Variants in USP47 observed in about 807,000 individuals in gnomAD.
The protein encoded by USP47 is ubiquitin carboxyl-terminal hydrolase 47.
Under a neutral mutation model 165.1 loss-of-function variants are expected in USP47, and 35 were observed. The ratio of observed to expected loss-of-function variants is 0.21; its 90% CI spans 0.16 to 0.28. The LOEUF is 0.28. Ranked by LOEUF, USP47 falls within the 10% of genes least tolerant of loss-of-function variation. USP47 has a pLI of 1.00. For missense variants in USP47, 1,277 were observed against 1,607.4 expected, an observed-to-expected ratio of 0.79 and a Z score of 3.52; for synonymous variants, 531 against 544.5, an observed-to-expected ratio of 0.98 and a Z score of 0.35.
intron 7 of USP47, among the ~76,000 whole-genome samples, chr11:11,904,387 GT>G (rs1258208777): frequency 6.6e-6 from 1 of 152,140 alleles, no homozygotes; most frequent in African/African-American, 2.4e-5. Flanking sequence ...AGAAATGTAA[GT>G]TTATGAAAGA....
intron 20 of USP47, among the ~76,000 whole-genome samples, chr11:11,946,476 T>C (rs1056709360): frequency 2.6e-5 from 4 of 152,238 alleles, no homozygotes; most frequent in Non-Finnish European, 4.4e-5. Context: ...AAAAGACTTT[T>C]ACTACATTTG....
intron 19 of USP47, among the ~76,000 whole-genome samples, chr11:11,941,724 T>G (rs1488155343): frequency 6.6e-6 from 1 of 152,068 alleles, no homozygotes; most frequent in African/African-American, 2.4e-5. Flanking sequence ...TTTAAAAAAA[T>G]GACAATTACA....
At chr11:11,896,207 T>C (rs924726896) in intron 4 of USP47, among the ~76,000 whole-genome samples, 1 of 152,208 alleles carries the variant, frequency 6.6e-6, no homozygotes, top group African/African-American at 2.4e-5. Flanking sequence ...AAAAATTAAT[T>C]GCCATTACTC....
At chr11:11,876,311 G>C (rs937896597) in intron 1 of USP47, among the ~76,000 whole-genome samples, 3 of 152,052 alleles carry the variant, frequency 2.0e-5, no homozygotes, top group African/African-American at 7.2e-5. Flanking sequence ...TGTATCCTCA[G>C]ATGCCTTTTC....
At position 11,929,541 on chromosome 11, in the gene USP47, C is replaced by T; in HGVS notation, c.1494C>T (p.Ser498=). 3 of 1,613,076 alleles carry T rather than the reference C, an allele frequency of 1.9e-6. No homozygotes were observed. The highest frequency in any genetic ancestry group is 1.7e-5 in the Admixed American group (1 of 59,996). ...IKSFSDEQWY[S]FNDQHVSRIT... ...CATTCAGTGATGAGCAGTGGTACAG[C>T]TTCAATGATCAACATGTCAGCAGGG... is the stretch of plus-strand genomic sequence containing the variant. Residue 498 remains serine, a synonymous_variant, in exon 12 of 28, where the codon AGC becomes AGT. Coordinates refer to ENST00000527733, the MANE Select transcript of USP47 (RefSeq NM_001282659.2).
At chr11:11,874,808 C>T (rs951124600) in intron 1 of USP47, among the ~76,000 whole-genome samples, 1 of 152,154 alleles carries the variant, frequency 6.6e-6, no homozygotes, top group Admixed American at 6.5e-5. Context: ...ATCCACTCAC[C>T]TTGGCCTCCC....
At position 11,940,537 on chromosome 11, in the gene USP47, A is replaced by G. The variant is rs759004931; in HGVS notation, c.2302A>G (p.Arg768Gly). The change falls in exon 19 of 28, where the codon AGA becomes GGA. Residue 768 changes from arginine to glycine, a missense_variant. Arg to Gly is a moderately radical substitution (Grantham distance 125, BLOSUM62 -2). Coordinates refer to ENST00000527733, the MANE Select transcript of USP47 (RefSeq NM_001282659.2). The part of the protein sequence containing the change: ...SKTLKAEGFF[R>G]SNKVFVESSE... ...AACCCTGAAAGCTGAAGGATTTTTTAGAAGTAACAAGGTATGTCATTTACT... is the reference window on the plus strand; with the variant it reads ...AACCCTGAAAGCTGAAGGATTTTTTGGAAGTAACAAGGTATGTCATTTACT... 2 of 1,611,284 alleles carry G rather than the reference A, an allele frequency of 1.2e-6. No homozygotes were observed. The highest frequency in any genetic ancestry group is 1.7e-6 in the Non-Finnish European group (2 of 1,178,244).
chr11:11,930,170 C>A, intron 13 of USP47, 50 bp downstream of exon 13: 1 of 1,497,764 alleles, frequency 6.7e-7, no homozygotes, highest in South Asian at 1.1e-5. Context: ...TTAATTATAG[C>A]TTCTCAGTGT....
intron 1 of USP47, among the ~76,000 whole-genome samples, chr11:11,848,933 C>T (rs946797085): frequency 6.9e-6 from 1 of 145,848 alleles, no homozygotes; most frequent in Non-Finnish European, 1.5e-5. Context: ...TATAGTGTTA[C>T]TTCTTGATTT....
intron 8 of USP47, among the ~76,000 whole-genome samples, chr11:11,919,429 C>T (rs545772341): frequency 1.3e-5 from 2 of 151,898 alleles, no homozygotes; most frequent in South Asian, 2.1e-4. Context: ...ATTTTTTAAT[C>T]GTGAAAAACC....
intron 3 of USP47, among the ~76,000 whole-genome samples, chr11:11,887,227 A>G (rs1224449663): frequency 1.3e-5 from 2 of 152,162 alleles, no homozygotes; most frequent in Non-Finnish European, 2.9e-5. Flanking sequence ...TGCACATAAT[A>G]TTACTAACCT....
At chr11:11,862,721 A>T (rs1199879402) in intron 1 of USP47, among the ~76,000 whole-genome samples, 2 of 151,860 alleles carry the variant, frequency 1.3e-5, no homozygotes, top group African/African-American at 4.8e-5. Flanking sequence ...ATACAAGCAT[A>T]ATTTTTTTTT....
Position 11,936,325 on chromosome 11 carries a change from T to C in USP47, c.1892T>C (p.Ile631Thr), listed in dbSNP as rs773334178. 1 of 1,594,306 alleles carries C rather than the reference T, an allele frequency of 6.3e-7. No homozygotes were observed. Among genetic ancestry groups the C allele is most frequent in the Non-Finnish European group, 8.6e-7 (1 of 1,167,808 alleles). ...TAGATGATGGATTTAGAAGAGGTAA[T>C]ACCCCTGGATTGCTGTCGCCTTGTT... ...AYKMMDLEEV[I>T]PLDCCRLVKY... Residue 631 changes from isoleucine (I) to threonine (T), a missense_variant, in exon 17 of 28, where the codon ATA (isoleucine) becomes ACA (threonine). By Grantham distance (89) the Ile-to-Thr change is moderately conservative. Transcript: ENST00000527733.
intron 14 of USP47, 51 bp downstream of exon 14, chr11:11,930,802 C>A: frequency 6.7e-7 from 1 of 1,484,890 alleles, no homozygotes; most frequent in South Asian, 1.3e-5. Context: ...AAACTAATTT[C>A]TTTTGTAAGT....
intron 3 of USP47, among the ~76,000 whole-genome samples, chr11:11,888,359 T>C (rs1229288267): frequency 4.0e-5 from 6 of 151,692 alleles, no homozygotes; most frequent in African/African-American, 1.5e-4. Flanking sequence ...ATAAACACAA[T>C]CAGAAACGAT....
At chr11:11,875,330 TAAG>T (rs1392633527) in intron 1 of USP47, among the ~76,000 whole-genome samples, 1 of 152,172 alleles carries the variant, frequency 6.6e-6, no homozygotes, top group Non-Finnish European at 1.5e-5. Context: ...TATTCTTTAA[TAAG>T]AAATACATAG....
chr11:11,918,900 TA>T (rs1232989369), intron 8 of USP47, among the ~76,000 whole-genome samples: 1 of 152,036 alleles, frequency 6.6e-6, no homozygotes, highest in Non-Finnish European at 1.5e-5. Flanking sequence ...GTAATTTCTT[TA>T]AAGCTTGTTT....
At chr11:11,877,164 A>G (rs912119308) in intron 1 of USP47, among the ~76,000 whole-genome samples, 2 of 151,914 alleles carry the variant, frequency 1.3e-5, no homozygotes, top group African/African-American at 4.8e-5. Context: ...AAAAAAAACT[A>G]TTGCCATATC....
chr11:11,900,364 G>T (rs1182430481), intron 5 of USP47, among the ~76,000 whole-genome samples: 2 of 151,834 alleles, frequency 1.3e-5, no homozygotes, highest in Admixed American at 6.6e-5. Flanking sequence ...GTTTCACCGT[G>T]TTAGCCAGGA....
Sources: allele counts gnomAD v4.1 joint callset (sites outside exome capture counted in the v4.1 genomes callset), GRCh38; gene constraint gnomAD v4.1.1; transcripts MANE v1.5; gene names NCBI Gene and HGNC (gene_info 2026-07-23, HGNC 2026-07-21).